Variants in EXOC6B observed in about 807,000 individuals in gnomAD.
The protein encoded by EXOC6B is SEC15 homolog B.
Under a neutral mutation model 113.5 loss-of-function variants are expected in EXOC6B, and 54 were observed. The ratio of observed to expected loss-of-function variants is 0.48; its 90% confidence interval spans 0.38 to 0.60. EXOC6B has a LOEUF of 0.60. EXOC6B is among the 20% of genes least tolerant of loss of function. EXOC6B has a pLI of 0.00. For missense variants in EXOC6B, 797 were observed against 977.5 expected (o/e 0.82, Z 2.46); for synonymous variants, 357 against 339.0 (o/e 1.05, Z -0.58).
intron 1 of EXOC6B, among the ~76,000 whole-genome samples, chr2:72,783,288 A>AT (rs1280685606): frequency 7.0e-6 from 1 of 143,870 alleles, no homozygotes; most frequent in Non-Finnish European, 1.5e-5. Context: ...AGCATTTTTA[A>AT]TATACCTGTT....
intron 6 of EXOC6B, among the ~76,000 whole-genome samples, chr2:72,668,152 A>C (rs544546316): frequency 6.6e-6 from 1 of 152,292 alleles, no homozygotes; most frequent in Non-Finnish European, 1.5e-5. Flanking sequence ...TGCAAATCAC[A>C]CAACATCTCA....
chr2:72,684,757 G>A (rs1427701634), intron 6 of EXOC6B, among the ~76,000 whole-genome samples: 4 of 152,152 alleles, frequency 2.6e-5, no homozygotes, highest in Non-Finnish European at 1.5e-5. Context: ...TTCTACAATA[G>A]GCAAAACTAA....
intron 5 of EXOC6B, among the ~76,000 whole-genome samples, chr2:72,727,597 C>T (rs933276192): frequency 3.3e-5 from 5 of 152,158 alleles, no homozygotes; most frequent in South Asian, 2.1e-4. Context: ...CATTCTCTAT[C>T]GCACTGTGGT....
chr2:72,671,789 A>AAG (rs148733379), intron 6 of EXOC6B, among the ~76,000 whole-genome samples: 1 of 116,424 alleles, frequency 8.6e-6, no homozygotes, highest in African/African-American at 4.4e-5. Context: ...GAAAGAAAGA[A>AAG]AGAAAGAAAG....
At chr2:72,327,714 C>T (rs1194523195) in intron 20 of EXOC6B, among the ~76,000 whole-genome samples, 1 of 152,084 alleles carries the variant, frequency 6.6e-6, no homozygotes, top group Non-Finnish European at 1.5e-5. Flanking sequence ...TTTCCAAACG[C>T]ACTTCCTCCC....
chr2:72,761,326 T>G (rs1285438618), intron 1 of EXOC6B, among the ~76,000 whole-genome samples: 1 of 152,224 alleles, frequency 6.6e-6, no homozygotes, highest in African/African-American at 2.4e-5. Flanking sequence ...AGGTGAACTC[T>G]AAACTCAACA....
chr2:72,255,469 C>G (rs980747712), intron 20 of EXOC6B, among the ~76,000 whole-genome samples: 2 of 152,218 alleles, frequency 1.3e-5, no homozygotes, highest in African/African-American at 2.4e-5. Flanking sequence ...GCCTGGAAGG[C>G]AGCGCCAAGA....
chr2:72,505,133 C>T (rs1400642872), intron 11 of EXOC6B, among the ~76,000 whole-genome samples: 1 of 151,942 alleles, frequency 6.6e-6, no homozygotes, highest in Non-Finnish European at 1.5e-5. Context: ...ATGGATAGTG[C>T]TTTTAGTTTT....
At chr2:72,693,820 T>A (rs1372577137) in intron 6 of EXOC6B, among the ~76,000 whole-genome samples, 1 of 152,052 alleles carries the variant, frequency 6.6e-6, no homozygotes, top group Non-Finnish European at 1.5e-5. Flanking sequence ...CCTTCCTCTT[T>A]CCACAAACTT....
intron 6 of EXOC6B, among the ~76,000 whole-genome samples, chr2:72,626,580 T>C (rs1371704757): frequency 6.6e-6 from 1 of 152,160 alleles, no homozygotes; most frequent in African/African-American, 2.4e-5. Context: ...AGGAACTGCC[T>C]AGGATGTTTG....
At chr2:72,553,031 T>A (rs1319822034) in intron 8 of EXOC6B, among the ~76,000 whole-genome samples, 2 of 151,596 alleles carry the variant, frequency 1.3e-5, no homozygotes, top group Admixed American at 1.3e-4. Context: ...ATAAAAAGAA[T>A]AATGAGATAT....
At chr2:72,684,879 T>C (rs1457434936) in intron 6 of EXOC6B, among the ~76,000 whole-genome samples, 2 of 152,114 alleles carry the variant, frequency 1.3e-5, no homozygotes, top group Admixed American at 1.3e-4. Flanking sequence ...TCTATAACTA[T>C]TAAGATAGGG....
At chr2:72,475,849 T>C (rs1418500575) in intron 17 of EXOC6B, among the ~76,000 whole-genome samples, 1 of 152,156 alleles carries the variant, frequency 6.6e-6, no homozygotes, top group Non-Finnish European at 1.5e-5. Context: ...AGCTGATACA[T>C]TGCTCATGCC....
chr2:72,482,933 C>T (rs1699193413), intron 16 of EXOC6B, among the ~76,000 whole-genome samples: 1 of 152,186 alleles, frequency 6.6e-6, no homozygotes, highest in South Asian at 2.1e-4. Flanking sequence ...GTTAGGGCAA[C>T]ACTGGGACTA....
Position 72,741,318 on chromosome 2 carries a change from C to T in EXOC6B, c.265G>A (p.Ala89Thr). The T allele has an allele frequency of 3.1e-6, 5 of 1,611,924 alleles. No individual in the cohort carries two copies. Among genetic ancestry groups the T allele is most frequent in the Non-Finnish European group, 4.2e-6 (5 of 1,179,370 alleles). The change falls in exon 2 of 22, where the codon GCC (alanine) becomes ACC (threonine). Residue 89 changes from alanine (A) to threonine (T), a missense_variant. Physicochemically the swap from Ala to Thr is moderately conservative, Grantham distance 58. Coordinates refer to ENST00000272427, the MANE Select transcript of EXOC6B (RefSeq NM_015189.3). ...ITELLKVRGE[A>T]QKLKNQVTDT... ...AGCCTTCTTACTTTGAGTTTCTGGG[C>T]TTCTCCTCTCACTTTCAGCAGTTCA...
chr2:72,766,696 G>A (rs562344213), intron 1 of EXOC6B, among the ~76,000 whole-genome samples: 1 of 152,208 alleles, frequency 6.6e-6, no homozygotes, highest in Admixed American at 6.5e-5. Flanking sequence ...GCTCACACCT[G>A]TAATCCCAGC....
intron 18 of EXOC6B, among the ~76,000 whole-genome samples, chr2:72,438,137 G>A (rs568712492): frequency 8.5e-5 from 13 of 152,154 alleles, no homozygotes; most frequent in Middle Eastern, 3.4e-3. Context: ...AGCTGTACAC[G>A]TGATAATAAA....
At chr2:72,405,905 G>A (rs1213058548) in intron 18 of EXOC6B, among the ~76,000 whole-genome samples, 1 of 152,096 alleles carries the variant, frequency 6.6e-6, no homozygotes, top group Non-Finnish European at 1.5e-5. Context: ...GACACAGACT[G>A]GCAAATTGGA....
intron 8 of EXOC6B, among the ~76,000 whole-genome samples, chr2:72,551,775 C>T (rs550467228): frequency 3.3e-5 from 5 of 152,236 alleles, no homozygotes; most frequent in South Asian, 4.1e-4. Flanking sequence ...GGATTACAGG[C>T]GTGAGCCACC....
Sources: gnomAD v4.1 joint callset for allele counts (sites outside exome capture counted in the v4.1 genomes callset) on GRCh38, gnomAD v4.1.1 for gene constraint, MANE v1.5 for transcripts, NCBI Gene and HGNC (gene_info 2026-07-23, HGNC 2026-07-21) for gene names.